MERTK: variants seen among roughly 807,000 people sequenced by gnomAD.
MERTK encodes the protein MER proto-oncogene, tyrosine kinase.
In MERTK, 69 loss-of-function variants were observed where a neutral mutation model predicts 99.3. That is an observed-to-expected ratio of 0.70 (90% CI 0.57 to 0.85). The LOEUF (loss-of-function observed/expected upper bound fraction) is 0.85, where lower values mean the gene tolerates loss of function less well. Ranked by LOEUF, MERTK falls within the 40% of genes least tolerant of loss-of-function variation. The probability of loss-of-function intolerance (pLI) is 0.00; values close to 1 mark genes in which losing one functional copy is unlikely to be tolerated. For synonymous variants in MERTK, 426 were observed against 467.6 expected, an observed-to-expected ratio of 0.91 and a Z score of 1.15; for missense variants, 1,125 against 1,249.4, an observed-to-expected ratio of 0.90 and a Z score of 1.50.
In MERTK at chr2:111,994,420, AG is replaced by A; in HGVS notation, c.1450+17del. On this transcript the variant is annotated intron_variant, in intron 9 of 18. Coordinates refer to ENST00000295408, the MANE Select transcript of MERTK (RefSeq NM_006343.3). ...CCTGCACACGGTGAGAGCTATACCC[AG>A]TAAGGGCTGATAGGATGTGATGGTC... 6.2e-7 allele frequency: 1 copy of A among 1,614,048 alleles called. No individual in the cohort carries two copies. The highest frequency in any genetic ancestry group is 1.3e-5 in the African/African-American group (1 of 75,012).
At chr2:111,919,064 A>G (rs181093739) in intron 1 of MERTK, among the ~76,000 whole-genome samples, 61 of 152,334 alleles carry the variant, frequency 4.0e-4, no homozygotes, top group African/African-American at 1.4e-3. Context: ...GGTGACTTAC[A>G]CAAGGTCACC....
At chr2:112,014,884 C>G (rs1000233591) in intron 15 of MERTK, among the ~76,000 whole-genome samples, 1 of 152,104 alleles carries the variant, frequency 6.6e-6, no homozygotes, top group African/African-American at 2.4e-5. Context: ...AATGATCCAC[C>G]CGCTTTGGCC....
chr2:111,921,399 C>A (rs59650987), intron 1 of MERTK, among the ~76,000 whole-genome samples: 36,769 of 151,620 alleles, frequency 0.24, 4,750 homozygotes, highest in South Asian at 0.32. Flanking sequence ...ACTCAGGAGG[C>A]TGAGGCAGGA....
chr2:111,929,066 C>T, intron 1 of MERTK, 54 bp from the exon 2 acceptor site: 1 of 1,606,188 alleles, frequency 6.2e-7, no homozygotes, highest in South Asian at 1.1e-5. Context: ...TGGGAACCTA[C>T]TTGGGAAACT....
chr2:111,988,528 G>A (rs552223551), intron 8 of MERTK, among the ~76,000 whole-genome samples: 1 of 152,178 alleles, frequency 6.6e-6, no homozygotes, highest in Non-Finnish European at 1.5e-5. Context: ...TTTATTTACA[G>A]GGAAAGAAGA....
chr2:111,905,480 C>G (rs909372833), intron 1 of MERTK, among the ~76,000 whole-genome samples: 1 of 137,602 alleles, frequency 7.3e-6, no homozygotes, highest in Non-Finnish European at 1.5e-5. Flanking sequence ...ACTCTGTCAC[C>G]CAGGCTGGAG....
At chr2:111,914,101 C>CTTTTTTTTTTTTTTTTTT (rs765850254) in intron 1 of MERTK, among the ~76,000 whole-genome samples, 11 of 94,458 alleles carry the variant, frequency 1.2e-4, no homozygotes, top group African/African-American at 2.4e-4. Context: ...TTCTTTCTTT[C>CTTTTTTTTTTTTTTTTTT]TTTTTTTTTT....
At chr2:112,013,011 G>A (rs567588316) in intron 15 of MERTK, among the ~76,000 whole-genome samples, 18 of 152,260 alleles carry the variant, frequency 1.2e-4, no homozygotes, top group Admixed American at 5.9e-4. Context: ...TGATGGAGGG[G>A]AGGGTACTTT....
At chr2:111,928,677 GT>G (rs1558774921) in intron 1 of MERTK, among the ~76,000 whole-genome samples, 1 of 152,052 alleles carries the variant, frequency 6.6e-6, no homozygotes, top group Non-Finnish European at 1.5e-5. Flanking sequence ...GTAGAGACAG[GT>G]TTTTGCCATG....
chr2:112,018,782 C>T (rs142590781), intron 15 of MERTK, among the ~76,000 whole-genome samples: 109 of 152,250 alleles, frequency 7.2e-4, no homozygotes, highest in African/African-American at 2.3e-3. Flanking sequence ...CTAGAGAAAA[C>T]ACTAGACTGT....
chr2:112,021,626 A>G, intron 17 of MERTK, 45 bp downstream of exon 17: 1 of 1,550,966 alleles, frequency 6.4e-7, no homozygotes, highest in Non-Finnish European at 8.9e-7. Context: ...CACAAAGAGG[A>G]GGGCATATTG....
chr2:111,947,407 T>C lies in MERTK; in HGVS notation c.597T>C (p.Phe199=), dbSNP rs1573591956. The C allele has an allele frequency of 6.2e-7, 1 of 1,614,140 alleles. No homozygotes were observed. The highest frequency in any genetic ancestry group is 1.6e-4 in the Middle Eastern group (1 of 6,062). ...IYIEVQGLPH[F]TKQPESMNVT... ...TTTTCTCCGCAGGACTTCCTCACTT[T>C]ACTAAGCAGCCTGAGAGCATGAATG... Residue 199 remains phenylalanine (F), a synonymous_variant, in exon 4 of 19, where the codon TTT becomes TTC. Coordinates refer to ENST00000295408, the MANE Select transcript of MERTK (RefSeq NM_006343.3).
intron 2 of MERTK, among the ~76,000 whole-genome samples, chr2:111,932,514 A>G (rs1684692190): frequency 6.6e-6 from 1 of 152,260 alleles, no homozygotes; most frequent in Non-Finnish European, 1.5e-5. Context: ...GGTAGCATAC[A>G]GGATGATACC....
intron 1 of MERTK, among the ~76,000 whole-genome samples, chr2:111,909,582 A>G (rs957039065): frequency 6.6e-6 from 1 of 152,218 alleles, no homozygotes; most frequent in Admixed American, 6.5e-5. Flanking sequence ...GAGGCTCCAG[A>G]AGAAGGTCCT....
At chr2:112,028,259 A>G (rs751413111) in intron 18 of MERTK, 92 bp from the exon 19 acceptor site, 98 of 1,356,186 alleles carry the variant, frequency 7.2e-5, no homozygotes, top group Admixed American at 8.7e-5. Flanking sequence ...GCTGATTAAA[A>G]TGTGATAAAG....
chr2:112,017,341 A>G (rs1267772515), intron 15 of MERTK, among the ~76,000 whole-genome samples: 1 of 152,152 alleles, frequency 6.6e-6, no homozygotes, highest in East Asian at 1.9e-4. Flanking sequence ...TGATTGGTGC[A>G]TTTACAATCC....
chr2:111,907,112 T>A (rs192662594), intron 1 of MERTK, among the ~76,000 whole-genome samples: 19 of 152,268 alleles, frequency 1.2e-4, no homozygotes, highest in Non-Finnish European at 2.5e-4. Flanking sequence ...TGTGAAGAGT[T>A]TCATTAAAAA....
intron 5 of MERTK, among the ~76,000 whole-genome samples, chr2:111,967,184 G>C (rs1685373362): frequency 6.6e-6 from 1 of 152,118 alleles, no homozygotes. Context: ...CAAGCTCCAG[G>C]GTCAGGCAGA....
chr2:111,930,824 C>T (rs893523456), intron 2 of MERTK, among the ~76,000 whole-genome samples: 14 of 152,078 alleles, frequency 9.2e-5, no homozygotes, highest in African/African-American at 2.9e-4. Flanking sequence ...CTTCTTGCCA[C>T]CCCTTTTGTA....
Sources: allele counts gnomAD v4.1 joint callset (sites outside exome capture counted in the v4.1 genomes callset), GRCh38; gene constraint gnomAD v4.1.1; transcripts MANE v1.5; gene names NCBI Gene and HGNC (gene_info 2026-07-23, HGNC 2026-07-21).